The following NRXN3 variants were observed in gnomAD, a reference collection of about 807,000 sequenced individuals.
The protein encoded by NRXN3 is neurexin III.
Under a neutral mutation model 137.6 loss-of-function variants are expected in NRXN3, and 32 were observed. That is an observed-to-expected ratio of 0.23 (90% confidence interval 0.18 to 0.31). NRXN3 has a LOEUF of 0.31. NRXN3 is among the 10% of genes least tolerant of loss of function. The probability of loss-of-function intolerance (pLI) is 1.00; values close to 1 mark genes in which losing one functional copy is unlikely to be tolerated. For missense variants in NRXN3, 1,574 were observed against 2,062.5 expected (o/e 0.76, Z 4.59); for synonymous variants, 798 against 784.5 (o/e 1.02, Z -0.29).
chr14:79,358,617 G>GAAAGAAAC (rs1566902570), intron 15 of NRXN3, among the ~76,000 whole-genome samples: 1 of 133,506 alleles, frequency 7.5e-6, no homozygotes, highest in Non-Finnish European at 1.6e-5. Flanking sequence ...GAGAAAGAAA[G>GAAAGAAAC]AAAGAAAGAA....
rs150691222 is a variant in NRXN3 at position 78,699,280 on chromosome 14, G to A, written c.1222-9937G>A. On this transcript the variant is annotated intron_variant, in intron 6 of 20. Coordinates refer to ENST00000335750, the MANE Select transcript of NRXN3 (RefSeq NM_001330195.2). ...TAAACTGTGCTTCAAGTGGCGAATA[G>A]TAGTTATCCAGGTAGAGAATCCAGG... Among the ~76,000 whole-genome samples the A allele has an allele frequency of 1.5e-3, 230 of 149,754 alleles. 1 individual carries two copies. Among genetic ancestry groups the A allele is most frequent in the African/African-American group, 5.5e-3 (224 of 40,672 alleles).
chr14:79,508,389 G>GTTTTTTTTTTTTTTT (rs1567328889), intron 16 of NRXN3, among the ~76,000 whole-genome samples: 2 of 12,558 alleles, frequency 1.6e-4, no homozygotes, highest in African/African-American at 6.5e-4. Context: ...AACAATAACT[G>GTTTTTTTTTTTTTTT]ATTTTTTTTT....
At chr14:78,201,593 G>A (rs2061683084) in intron 1 of NRXN3, among the ~76,000 whole-genome samples, 1 of 152,224 alleles carries the variant, frequency 6.6e-6, no homozygotes, top group South Asian at 2.1e-4. Flanking sequence ...AGGACTGGTT[G>A]TACTCCCTTG....
intron 4 of NRXN3, among the ~76,000 whole-genome samples, chr14:78,641,069 A>C (rs1483717067): frequency 6.6e-6 from 1 of 152,210 alleles, no homozygotes; most frequent in Non-Finnish European, 1.5e-5. Flanking sequence ...CAGTAAAAAC[A>C]CCAAGTATAA....
chr14:79,102,770 A>T (rs1315759182), intron 15 of NRXN3, among the ~76,000 whole-genome samples: 3 of 152,206 alleles, frequency 2.0e-5, no homozygotes, highest in Non-Finnish European at 4.4e-5. Context: ...AGGCAAGGAC[A>T]TCATAGGACA....
chr14:78,305,978 CTT>C (rs1382383507), intron 4 of NRXN3, among the ~76,000 whole-genome samples: 2 of 152,038 alleles, frequency 1.3e-5, no homozygotes, highest in African/African-American at 2.4e-5. Context: ...GCAGTGATGT[CTT>C]TGAGACGGTG....
At chr14:78,796,228 C>T (rs2153065079) in intron 8 of NRXN3, among the ~76,000 whole-genome samples, 1 of 152,294 alleles carries the variant, frequency 6.6e-6, no homozygotes, top group Non-Finnish European at 1.5e-5. Context: ...GCTTATAAGG[C>T]AGAGGTTCCA....
chr14:79,194,562 T>C (rs896645728), intron 15 of NRXN3, among the ~76,000 whole-genome samples: 1 of 152,212 alleles, frequency 6.6e-6, no homozygotes, highest in African/African-American at 2.4e-5. Context: ...AAGGCAAAGA[T>C]ATCCTTCAGA....
intron 15 of NRXN3, among the ~76,000 whole-genome samples, chr14:79,097,790 A>G (rs1353884984): frequency 1.3e-5 from 2 of 152,208 alleles, no homozygotes; most frequent in African/African-American, 4.8e-5. Flanking sequence ...ACTCAGTGCA[A>G]TAACTACCCA....
chr14:78,217,940 C>T (rs1342942338), intron 1 of NRXN3, among the ~76,000 whole-genome samples: 1 of 152,186 alleles, frequency 6.6e-6, no homozygotes, highest in Non-Finnish European at 1.5e-5. Flanking sequence ...GGATTACAGG[C>T]ATAAGCCCCC....
intron 10 of NRXN3, among the ~76,000 whole-genome samples, chr14:78,879,603 C>T (rs1047028717): frequency 6.6e-6 from 1 of 152,056 alleles, no homozygotes; most frequent in Non-Finnish European, 1.5e-5. Flanking sequence ...TGTTTGAATT[C>T]TTTATATATT....
intron 20 of NRXN3, among the ~76,000 whole-genome samples, chr14:79,839,699 T>TC: frequency 6.6e-6 from 1 of 152,294 alleles, no homozygotes. Flanking sequence ...TAAGGTCTTA[T>TC]CCCCCCAAAA....
intron 8 of NRXN3, 97 bp downstream of exon 8, chr14:78,715,236 C>T: frequency 7.0e-7 from 1 of 1,437,300 alleles, no homozygotes; most frequent in Non-Finnish European, 9.3e-7. Context: ...CCTACCTGCA[C>T]TTTCTTTCTT....
At chr14:78,756,692 C>A (rs2098670111) in intron 8 of NRXN3, among the ~76,000 whole-genome samples, 1 of 129,970 alleles carries the variant, frequency 7.7e-6, no homozygotes, top group Non-Finnish European at 1.5e-5. Flanking sequence ...CTGTACTTGG[C>A]AGCTGGTTTG....
At chr14:78,983,433 G>A (rs1406054571) in intron 14 of NRXN3, among the ~76,000 whole-genome samples, 1 of 152,148 alleles carries the variant, frequency 6.6e-6, no homozygotes, top group African/African-American at 2.4e-5. Flanking sequence ...AGAAAATGTG[G>A]TATATGTACA....
At position 78,810,465 on chromosome 14, in the gene NRXN3, T is replaced by TG. The variant is rs151283208; in HGVS notation, c.2275+128dup. Reference sequence around the variant, plus strand: ...ATTATTTTTTCTTTTAACAATGGAGTGGGGGGGACCTGGGGCTAAGAAGAT... The same window carrying TG: ...ATTATTTTTTCTTTTAACAATGGAGTGGGGGGGGACCTGGGGCTAAGAAGAT... On this transcript the variant is annotated intron_variant, in intron 10 of 20. Transcript: ENST00000335750. 4.2e-4 allele frequency: 58 copies of TG among 138,544 alleles called. 1 individual carries two copies. In the East Asian group the frequency reaches 0.015, roughly 36 times the overall value. The allele number at this position is 138,544 out of a possible 1,614,324, so 8.6% of individuals were successfully genotyped here. A position where few individuals can be genotyped will look rare whatever the true frequency, so the allele number is the denominator to read the frequency against.
chr14:79,719,402 G>GTATATATGTGTGTGTGTGTA (rs1555660545), intron 19 of NRXN3, among the ~76,000 whole-genome samples: 5 of 142,312 alleles, frequency 3.5e-5, no homozygotes, highest in African/African-American at 5.3e-5. Flanking sequence ...ATATATGTGT[G>GTATATATGTGTGTGTGTGTA]TATATATATA....
chr14:79,372,919 C>A (rs1400802288), intron 15 of NRXN3, among the ~76,000 whole-genome samples: 1 of 151,974 alleles, frequency 6.6e-6, no homozygotes, highest in African/African-American at 2.4e-5. Flanking sequence ...TGACTTAATT[C>A]TAGAAAAAAA....
At chr14:79,211,382 C>T (rs2067638373) in intron 15 of NRXN3, among the ~76,000 whole-genome samples, 1 of 152,198 alleles carries the variant, frequency 6.6e-6, no homozygotes, top group African/African-American at 2.4e-5. Flanking sequence ...AAAAGAATCA[C>T]TAACCCATCG....
Sources: allele counts gnomAD v4.1 joint callset (sites outside exome capture counted in the v4.1 genomes callset), GRCh38; gene constraint gnomAD v4.1.1; transcripts MANE v1.5; gene names NCBI Gene and HGNC (gene_info 2026-07-23, HGNC 2026-07-21).